The following PAX7 variants were observed in gnomAD, a reference collection of about 807,000 sequenced individuals.
PAX7 encodes the protein paired box protein Pax-7.
In PAX7, 18 loss-of-function variants were observed where a neutral mutation model predicts 50.7. The ratio of observed to expected loss-of-function variants is 0.36; its 90% CI spans 0.25 to 0.53. The LOEUF (loss-of-function observed/expected upper bound fraction) is 0.53, where lower values mean the gene tolerates loss of function less well. PAX7 is among the 20% of genes least tolerant of loss of function. The probability of loss-of-function intolerance (pLI) is 0.93; values close to 1 mark genes in which losing one functional copy is unlikely to be tolerated. For synonymous variants in PAX7, 310 were observed against 290.4 expected, an observed-to-expected ratio of 1.07 and a Z score of -0.69; for missense variants, 644 against 702.9, an observed-to-expected ratio of 0.92 and a Z score of 0.95.
At chr1:18,687,456 G>T (rs978729216) in intron 4 of PAX7, among the ~76,000 whole-genome samples, 4 of 152,064 alleles carry the variant, frequency 2.6e-5, no homozygotes, top group African/African-American at 9.7e-5. Context: ...CCCTCTCCAG[G>T]GCTCACTGGC....
At chr1:18,705,599 G>A (rs1386441892) in intron 7 of PAX7, among the ~76,000 whole-genome samples, 1 of 152,166 alleles carries the variant, frequency 6.6e-6, no homozygotes, top group Non-Finnish European at 1.5e-5. Context: ...CTCTGTCACA[G>A]GACAAAAGAG....
At chr1:18,690,797 C>T (rs2089057652) in intron 4 of PAX7, among the ~76,000 whole-genome samples, 2 of 152,346 alleles carry the variant, frequency 1.3e-5, no homozygotes, top group South Asian at 4.1e-4. Flanking sequence ...GGGGGAATCA[C>T]TCAGAGACCC....
rs148921886 is a variant in PAX7, at chr1:18,674,504, G to T, written c.587-17250G>T. 4.0e-3 allele frequency among the ~76,000 whole-genome samples: 608 copies of T among 152,314 alleles called. 3 individuals are homozygous for T. The highest frequency in any genetic ancestry group is 0.014 in the African/African-American group (586 of 41,574). On this transcript the variant is annotated intron_variant, in intron 4 of 8. Coordinates refer to ENST00000420770, the MANE Select transcript of PAX7 (RefSeq NM_001135254.2). ...TTCAGAGCCCGGAGCAGGCAGGGAG[G>T]CAGGCTTCCAGGCTGTGGTCTGTCA...
At chr1:18,681,041 C>T (rs886907523) in intron 4 of PAX7, among the ~76,000 whole-genome samples, 1 of 151,868 alleles carries the variant, frequency 6.6e-6, no homozygotes, top group African/African-American at 2.4e-5. Flanking sequence ...GTGGCACATG[C>T]CTGTAATCCC....
chr1:18,664,364 G>T (rs1308159952), intron 4 of PAX7, among the ~76,000 whole-genome samples: 1 of 152,198 alleles, frequency 6.6e-6, no homozygotes, highest in Non-Finnish European at 1.5e-5. Flanking sequence ...CTTCCCAACT[G>T]TTGAAAGTCT....
intron 4 of PAX7, among the ~76,000 whole-genome samples, chr1:18,676,484 G>C (rs1470015408): frequency 2.7e-5 from 4 of 150,828 alleles, no homozygotes; most frequent in African/African-American, 9.7e-5. Context: ...AGGCCCATGA[G>C]TGGCTGGGGG....
At chr1:18,714,817 G>C (rs2089398729) in intron 7 of PAX7, among the ~76,000 whole-genome samples, 1 of 152,264 alleles carries the variant, frequency 6.6e-6, no homozygotes, top group Admixed American at 6.5e-5. Flanking sequence ...GCAGGCCCGG[G>C]TTTAGCCTTC....
At position 18,631,233 on chromosome 1, in the gene PAX7, C is replaced by T. The variant is rs975055456; in HGVS notation, c.-371C>T. On this transcript the variant is annotated 5_prime_UTR_variant, in exon 1 of 9. Transcript: ENST00000420770. ...GGCCTCGATTCCGGCCGCGTTCCCC[C>T]GGCCCCCCTCCGCCGCGGGGCCTGG... 21 of 248,478 alleles carry T rather than the reference C, an allele frequency of 8.5e-5. No homozygotes were observed. The highest frequency in any genetic ancestry group is 2.2e-5 in the African/African-American group (1 of 45,786). 15.4% of individuals were successfully genotyped at this position (248,478 alleles called of 1,614,324 possible).
intron 5 of PAX7, among the ~76,000 whole-genome samples, chr1:18,693,643 G>A (rs1046001657): frequency 6.6e-6 from 1 of 152,200 alleles, no homozygotes; most frequent in African/African-American, 2.4e-5. Context: ...AGACCCCAAG[G>A]GGAAAGAGGC....
At position 18,702,217 on chromosome 1, in the gene PAX7, T is replaced by G. The variant is rs149131156; in HGVS notation, c.953-877T>G. On this transcript the variant is annotated intron_variant, in intron 6 of 8. Coordinates refer to ENST00000420770, the MANE Select transcript of PAX7 (RefSeq NM_001135254.2). ...ATCTGGGCATGGTGGCGTGCATCTGTAATCCCAGCTACTCAGGAGGCTGAG... is the reference window on the plus strand; with the variant it reads ...ATCTGGGCATGGTGGCGTGCATCTGGAATCCCAGCTACTCAGGAGGCTGAG... 1.1e-3 allele frequency among the ~76,000 whole-genome samples: 174 copies of G among 151,748 alleles called. 1 individual carries two copies. The highest frequency in any genetic ancestry group is 4.2e-3 in the African/African-American group (172 of 41,322).
In PAX7 at chr1:18,667,470, C is replaced by G. The variant is rs187781323; in HGVS notation, c.587-24284C>G. Reference sequence around the variant, plus strand: ...AGGAAGGAGCTTTGGTCTGCACACACCCCGGAGCAGCAGCCCGGTAAAAGC... The same window carrying G: ...AGGAAGGAGCTTTGGTCTGCACACAGCCCGGAGCAGCAGCCCGGTAAAAGC... On this transcript the variant is annotated intron_variant, in intron 4 of 8. Transcript: ENST00000420770. Among the ~76,000 whole-genome samples the G allele has an allele frequency of 2.7e-3, 414 of 151,608 alleles. 3 individuals carry two copies. Among genetic ancestry groups the G allele is most frequent in the African/African-American group, 9.3e-3 (382 of 41,282 alleles).
At chr1:18,673,781 G>A (rs1366108407) in intron 4 of PAX7, among the ~76,000 whole-genome samples, 1 of 152,172 alleles carries the variant, frequency 6.6e-6, no homozygotes, top group East Asian at 1.9e-4. Context: ...GGATTCCACG[G>A]GCAAGGGAGG....
chr1:18,711,393 C>T (rs941824443), intron 7 of PAX7, among the ~76,000 whole-genome samples: 1 of 152,184 alleles, frequency 6.6e-6, no homozygotes. Flanking sequence ...CCCTGGCCTC[C>T]ACCTCTGCCT....
intron 8 of PAX7, 118 bp from the exon 9 acceptor site, chr1:18,744,696 G>C: frequency 2.6e-6 from 1 of 379,590 alleles, no homozygotes; most frequent in African/African-American, 4.0e-5. Flanking sequence ...ATAAATGGAT[G>C]GATGGATGGA....
intron 7 of PAX7, among the ~76,000 whole-genome samples, chr1:18,716,059 C>T (rs1044971047): frequency 1.3e-5 from 2 of 152,162 alleles, no homozygotes; most frequent in Non-Finnish European, 2.9e-5. Flanking sequence ...CCTTCCCCAC[C>T]GGCCCTTCTC....
At chr1:18,650,165 C>A (rs1393284803) in intron 4 of PAX7, among the ~76,000 whole-genome samples, 1 of 152,198 alleles carries the variant, frequency 6.6e-6, no homozygotes, top group African/African-American at 2.4e-5. Flanking sequence ...CTGTATACTC[C>A]TGGAATCAGA....
chr1:18,637,392 G>C (rs1375990578), intron 4 of PAX7, among the ~76,000 whole-genome samples: 1 of 146,504 alleles, frequency 6.8e-6, no homozygotes, highest in Non-Finnish European at 1.5e-5. Context: ...GACAGTTAAA[G>C]AAAAGGCCCC....
At chr1:18,712,930 A>G (rs1023565146) in intron 7 of PAX7, among the ~76,000 whole-genome samples, 1 of 151,964 alleles carries the variant, frequency 6.6e-6, no homozygotes, top group African/African-American at 2.4e-5. Flanking sequence ...AAAAATACAA[A>G]AATTAACTGG....
chr1:18,717,223 CCG>C (rs1005749892), intron 7 of PAX7, among the ~76,000 whole-genome samples: 5 of 152,200 alleles, frequency 3.3e-5, no homozygotes, highest in African/African-American at 1.2e-4. Context: ...TCCCGAGCAG[CCG>C]CGCGCCTGGC....
Sources: allele counts gnomAD v4.1 joint callset (sites outside exome capture counted in the v4.1 genomes callset), GRCh38; gene constraint gnomAD v4.1.1; transcripts MANE v1.5; gene names NCBI Gene and HGNC (gene_info 2026-07-23, HGNC 2026-07-21).